The following SLC39A12 variants were observed in gnomAD, a reference collection of about 807,000 sequenced individuals.
SLC39A12 encodes the protein zinc transporter ZIP12.
In SLC39A12, 63 loss-of-function variants were observed where a neutral mutation model predicts 71.1. That is an observed-to-expected ratio of 0.89 (90% CI 0.72 to 1.09). SLC39A12 has a LOEUF of 1.09. Ranked by LOEUF, SLC39A12 falls within the 50% of genes least tolerant of loss-of-function variation. The pLI is 0.00. For missense variants in SLC39A12, 892 were observed against 812.6 expected (o/e 1.10, Z -1.19); for synonymous variants, 351 against 301.3 (o/e 1.16, Z -1.71).
intron 6 of SLC39A12, among the ~76,000 whole-genome samples, chr10:17,981,896 T>G (rs2130810009): frequency 6.6e-6 from 1 of 152,300 alleles, no homozygotes; most frequent in Non-Finnish European, 1.5e-5. Context: ...AGAGGTGACA[T>G]GGTAAAAGAG....
chr10:18,029,060 G>A (rs1330060038), intron 12 of SLC39A12, among the ~76,000 whole-genome samples: 5 of 150,438 alleles, frequency 3.3e-5, no homozygotes, highest in Admixed American at 3.3e-4. Context: ...TTTAGTAGAG[G>A]TGGAGTTTCA....
At chr10:17,957,122 G>A (rs1480518434) in intron 2 of SLC39A12, among the ~76,000 whole-genome samples, 1 of 152,110 alleles carries the variant, frequency 6.6e-6, no homozygotes, top group Non-Finnish European at 1.5e-5. Context: ...AAAATCAAAT[G>A]TTAAACATCT....
At chr10:18,039,994 G>A (rs1402666135) in intron 12 of SLC39A12, among the ~76,000 whole-genome samples, 1 of 152,170 alleles carries the variant, frequency 6.6e-6, no homozygotes, top group African/African-American at 2.4e-5. Context: ...AACGGGGAAA[G>A]TTTGTCATAA....
At chr10:17,993,778 A>G (rs1285970604) in intron 9 of SLC39A12, among the ~76,000 whole-genome samples, 1 of 152,236 alleles carries the variant, frequency 6.6e-6, no homozygotes, top group African/African-American at 2.4e-5. Flanking sequence ...AATTTTCCAC[A>G]ACAAAATCTT....
intron 12 of SLC39A12, among the ~76,000 whole-genome samples, chr10:18,041,691 A>G (rs960796735): frequency 8.5e-6 from 1 of 117,938 alleles, no homozygotes; most frequent in Admixed American, 8.9e-5. Context: ...ACATATGTAT[A>G]TATGTGTATA....
chr10:18,023,976 T>C (rs955205846), intron 12 of SLC39A12, among the ~76,000 whole-genome samples: 1 of 152,156 alleles, frequency 6.6e-6, no homozygotes. Flanking sequence ...TCTTAGACCC[T>C]TTGCTCTAAC....
chr10:18,033,889 T>C (rs1489910586), intron 12 of SLC39A12, among the ~76,000 whole-genome samples: 1 of 152,094 alleles, frequency 6.6e-6, no homozygotes, highest in African/African-American at 2.4e-5. Flanking sequence ...TCTTTAATTC[T>C]GCCTTCATTT....
rs1196236102 is a variant in SLC39A12 at position 18,000,834 on chromosome 10, A to G, written c.1759+9A>G. The G allele has an allele frequency of 6.2e-7, 1 of 1,612,680 alleles. No individual in the cohort carries two copies. Among genetic ancestry groups the G allele is most frequent in the Non-Finnish European group, 8.5e-7 (1 of 1,179,010 alleles). ...AATCCCACATGAAATGGGTAAGTTC[A>G]ACAATGGAATTACTGTTTCTGGCCT... On this transcript the variant is annotated intron_variant, in intron 11 of 12. Coordinates refer to ENST00000377369, the MANE Select transcript of SLC39A12 (RefSeq NM_001145195.2).
At chr10:17,987,745 C>T in intron 7 of SLC39A12, 94 bp downstream of exon 7, 1 of 1,318,082 alleles carries the variant, frequency 7.6e-7, no homozygotes, top group Non-Finnish European at 1.1e-6. Flanking sequence ...ACTGAGACTT[C>T]AAAGAGAGAG....
chr10:18,001,224 A>G (rs1307870508), intron 11 of SLC39A12, among the ~76,000 whole-genome samples: 2 of 152,244 alleles, frequency 1.3e-5, no homozygotes, highest in Non-Finnish European at 2.9e-5. Context: ...TAACATTTAA[A>G]TTAAAACCGG....
intron 4 of SLC39A12, among the ~76,000 whole-genome samples, chr10:17,970,420 A>G (rs1440988417): frequency 6.6e-6 from 1 of 152,162 alleles, no homozygotes; most frequent in Non-Finnish European, 1.5e-5. Context: ...ATCCATGAAT[A>G]TGGAATGCTT....
At chr10:18,012,410 C>T (rs1274902165) in intron 12 of SLC39A12, among the ~76,000 whole-genome samples, 1 of 152,188 alleles carries the variant, frequency 6.6e-6, no homozygotes, top group Non-Finnish European at 1.5e-5. Flanking sequence ...CTTTTTAAGA[C>T]TCTGTGGCTG....
chr10:18,017,231 T>C (rs1438900660), intron 12 of SLC39A12, among the ~76,000 whole-genome samples: 2 of 152,220 alleles, frequency 1.3e-5, no homozygotes, highest in South Asian at 2.1e-4. Flanking sequence ...TAAGGTCACC[T>C]AGATTTCTTT....
chr10:18,013,453 G>T (rs1589248392), intron 12 of SLC39A12, among the ~76,000 whole-genome samples: 2 of 151,242 alleles, frequency 1.3e-5, no homozygotes, highest in Non-Finnish European at 1.5e-5. Context: ...CTGTAGGCTT[G>T]ATCTCCTAGG....
chr10:18,022,506 C>A (rs185317220), intron 12 of SLC39A12, among the ~76,000 whole-genome samples: 1 of 151,968 alleles, frequency 6.6e-6, no homozygotes, highest in East Asian at 1.9e-4. Context: ...CTTAAAATGG[C>A]TATTTTATCT....
At chr10:17,985,052 A>C (rs1835365723) in intron 6 of SLC39A12, among the ~76,000 whole-genome samples, 1 of 152,170 alleles carries the variant, frequency 6.6e-6, no homozygotes, top group South Asian at 2.1e-4. Flanking sequence ...TATATTATTA[A>C]AATGATCTAG....
At chr10:17,957,496 A>G (rs1439544963) in intron 2 of SLC39A12, among the ~76,000 whole-genome samples, 2 of 152,148 alleles carry the variant, frequency 1.3e-5, no homozygotes, top group African/African-American at 2.4e-5. Context: ...AGGAAAATCA[A>G]TGGATTATTC....
chr10:17,952,448 C>T (rs1250335457), intron 1 of SLC39A12, among the ~76,000 whole-genome samples: 3 of 151,018 alleles, frequency 2.0e-5, no homozygotes, highest in African/African-American at 7.3e-5. Context: ...TCTTCTAGTG[C>T]TTTTCCTTGT....
At chr10:18,004,955 C>T (rs1835969483) in intron 12 of SLC39A12, among the ~76,000 whole-genome samples, 1 of 151,934 alleles carries the variant, frequency 6.6e-6, no homozygotes, top group African/African-American at 2.4e-5. Flanking sequence ...GCCATTATCC[C>T]CAGCAAACTA....
Sources: allele counts gnomAD v4.1 joint callset (sites outside exome capture counted in the v4.1 genomes callset), GRCh38; gene constraint gnomAD v4.1.1; transcripts MANE v1.5; gene names NCBI Gene and HGNC (gene_info 2026-07-23, HGNC 2026-07-21).